ITGA9: variants seen among roughly 807,000 people sequenced by gnomAD.
The protein encoded by ITGA9 is integrin subunit alpha 9, also known as integrin alpha-9.
ITGA9 carries 56 observed loss-of-function variants against 127.8 expected under a neutral mutation model. That is an observed-to-expected ratio of 0.44 (90% confidence interval 0.35 to 0.55). The LOEUF is 0.55. Ranked by LOEUF, ITGA9 falls within the 20% of genes least tolerant of loss-of-function variation. ITGA9 has a pLI of 0.00. For missense variants in ITGA9, 1,196 were observed against 1,347.1 expected (o/e 0.89, Z 1.76); for synonymous variants, 508 against 514.5 (o/e 0.99, Z 0.17).
At chr3:37,496,264 C>G (rs1698726903) in intron 5 of ITGA9, among the ~76,000 whole-genome samples, 1 of 152,154 alleles carries the variant, frequency 6.6e-6, no homozygotes, top group African/African-American at 2.4e-5. Context: ...CCCTCCAACC[C>G]CCATTCCGCA....
intron 23 of ITGA9, among the ~76,000 whole-genome samples, chr3:37,751,486 A>G (rs912553348): frequency 6.6e-6 from 1 of 152,178 alleles, no homozygotes; most frequent in African/African-American, 2.4e-5. Flanking sequence ...GTGAACATCT[A>G]CAGTGTTGCA....
intron 8 of ITGA9, 60 bp downstream of exon 8, chr3:37,508,687 A>G: frequency 7.0e-7 from 1 of 1,423,880 alleles, no homozygotes; most frequent in Non-Finnish European, 9.9e-7. Context: ...TGTGGGAGTC[A>G]GTACTTTTTA....
chr3:37,519,115 A>C (rs1699018576), intron 10 of ITGA9, 145 bp from the exon 11 acceptor site: 1 of 566,064 alleles, frequency 1.8e-6, no homozygotes, highest in Non-Finnish European at 3.1e-6. Context: ...CCGCTGAGGG[A>C]TCTTGTCCCC....
chr3:37,638,694 C>T (rs1420531189), intron 16 of ITGA9, among the ~76,000 whole-genome samples: 1 of 152,194 alleles, frequency 6.6e-6, no homozygotes, highest in Admixed American at 6.5e-5. Context: ...TTGATCTCTT[C>T]ACTGAGCCCA....
chr3:37,811,049 G>A (rs1697363033), intron 27 of ITGA9, among the ~76,000 whole-genome samples: 1 of 152,146 alleles, frequency 6.6e-6, no homozygotes, highest in Admixed American at 6.5e-5. Context: ...CCCTGGCTCT[G>A]ACACAAAATC....
At position 37,470,105 on chromosome 3, in the gene ITGA9, C is replaced by CACTCTA. The variant is rs1196350961; in HGVS notation, c.186-901_186-896dup. Reference sequence around the variant, plus strand: ...ATTGCTGTACCATGATTTACCTGTCCACTCTAGCACTGATGGGCCTTTAGG... The same window carrying CACTCTA: ...ATTGCTGTACCATGATTTACCTGTCCACTCTAACTCTAGCACTGATGGGCCTTTAGG... On this transcript the variant is annotated intron_variant, in intron 1 of 27. Coordinates refer to ENST00000264741, the MANE Select transcript of ITGA9 (RefSeq NM_002207.3). 7.3e-5 allele frequency among the ~76,000 whole-genome samples: 11 copies of CACTCTA among 151,372 alleles called. No homozygotes were observed. In the South Asian group the frequency reaches 1.5e-3, roughly 20 times the overall value.
chr3:37,758,432 C>A (rs1263200562), intron 23 of ITGA9, among the ~76,000 whole-genome samples: 8 of 149,562 alleles, frequency 5.3e-5, no homozygotes, highest in African/African-American at 1.7e-4. Flanking sequence ...AGTTGGTTCT[C>A]CATGAGGAAA....
intron 15 of ITGA9, among the ~76,000 whole-genome samples, chr3:37,588,632 C>T (rs1699782833): frequency 6.6e-6 from 1 of 152,192 alleles, no homozygotes; most frequent in South Asian, 2.1e-4. Context: ...ACTCATTGCC[C>T]CTTGCAAAGA....
intron 3 of ITGA9, among the ~76,000 whole-genome samples, chr3:37,475,096 A>G (rs537429295): frequency 6.6e-6 from 1 of 152,254 alleles, no homozygotes; most frequent in South Asian, 2.1e-4. Flanking sequence ...CATCACTGTC[A>G]TGGCTGGCCC....
intron 25 of ITGA9, among the ~76,000 whole-genome samples, chr3:37,783,187 C>A (rs1009874223): frequency 1.3e-4 from 20 of 151,968 alleles, no homozygotes; most frequent in African/African-American, 4.8e-4. Context: ...AAGTATTCTT[C>A]TTTCAGTCTG....
intron 17 of ITGA9, among the ~76,000 whole-genome samples, chr3:37,660,072 C>G (rs1700519015): frequency 6.6e-6 from 1 of 152,004 alleles, no homozygotes; most frequent in African/African-American, 2.4e-5. Context: ...TTACTTAGGG[C>G]AATAGTGGTA....
In ITGA9 at chr3:37,741,965, T is replaced by A; in HGVS notation, c.2324+146T>A. 3 of 718,086 alleles carry A rather than the reference T, an allele frequency of 4.2e-6. No homozygotes were observed. In the East Asian group the frequency reaches 8.2e-5, roughly 20 times the overall value. The allele number at this position is 718,086 out of a possible 1,614,324, so 44.5% of individuals were successfully genotyped here. On this transcript the variant is annotated intron_variant, in intron 21 of 27. Coordinates refer to ENST00000264741, the MANE Select transcript of ITGA9 (RefSeq NM_002207.3). ...CCAGCCTTGAAAAGCAGGATGAAGC[T>A]TTAGCTGCAGTAACTCATACACTCC...
intron 11 of ITGA9, among the ~76,000 whole-genome samples, chr3:37,521,412 A>G (rs1175655831): frequency 6.6e-6 from 1 of 152,304 alleles, no homozygotes; most frequent in East Asian, 1.9e-4. Context: ...TCTCGAGTTT[A>G]CCACGGAGAG....
chr3:37,519,567 T>G lies in ITGA9; in HGVS notation c.1236+213T>G, dbSNP rs181899867. On this transcript the variant is annotated intron_variant, in intron 11 of 27. Transcript: ENST00000264741. ...TCCCAAGTTCGCTAACACTCAGGGA[T>G]GCATTTTGCCTAAAGAAGATAATTT... 2.0e-4 allele frequency among the ~76,000 whole-genome samples: 31 copies of G among 152,382 alleles called. 2 individuals carry two copies. The highest frequency in any genetic ancestry group is 2.0e-3 in the Admixed American group (30 of 15,308).
At chr3:37,453,071 G>A (rs1207338367) in intron 1 of ITGA9, among the ~76,000 whole-genome samples, 1 of 151,516 alleles carries the variant, frequency 6.6e-6, no homozygotes, top group Non-Finnish European at 1.5e-5. Context: ...CAGGGGCAGG[G>A]TGTCTGGGAT....
intron 15 of ITGA9, among the ~76,000 whole-genome samples, chr3:37,560,466 C>T (rs921174936): frequency 2.6e-5 from 4 of 152,164 alleles, no homozygotes; most frequent in African/African-American, 9.7e-5. Context: ...GGTATATACC[C>T]AGTAATGGGA....
chr3:37,542,443 T>G lies in ITGA9; in HGVS notation c.1547T>G (p.Met516Arg). The change falls in exon 15 of 28, where the codon ATG (methionine) becomes AGG (arginine). Residue 516 changes from methionine to arginine, a missense_variant. Coordinates refer to ENST00000264741, the MANE Select transcript of ITGA9 (RefSeq NM_002207.3). ...TTGGCAGGCCTGAATTATGTTCTGA[T>G]GGCTGACGTGGCCAAAAAGGAGAAG... ...PGEIGLNYVL[M>R]ADVAKKEKGQ... is the part of the protein sequence containing the mutation. 6.2e-7 allele frequency: 1 copy of G among 1,613,760 alleles called. No homozygotes were observed. The highest frequency in any genetic ancestry group is 8.5e-7 in the Non-Finnish European group (1 of 1,180,008).
At chr3:37,780,789 A>G (rs1302483969) in intron 25 of ITGA9, among the ~76,000 whole-genome samples, 1 of 152,224 alleles carries the variant, frequency 6.6e-6, no homozygotes, top group African/African-American at 2.4e-5. Flanking sequence ...CTTCCCATCA[A>G]CAGTGTATAA....
intron 17 of ITGA9, among the ~76,000 whole-genome samples, chr3:37,675,743 C>CTTTTTT (rs5848124): frequency 8.0e-6 from 1 of 124,550 alleles, no homozygotes; most frequent in East Asian, 2.3e-4. Context: ...TTAAAAACTA[C>CTTTTTT]TTTTTTTTTT....
Sources: allele counts gnomAD v4.1 joint callset (sites outside exome capture counted in the v4.1 genomes callset), GRCh38; gene constraint gnomAD v4.1.1; transcripts MANE v1.5; gene names NCBI Gene and HGNC (gene_info 2026-07-23, HGNC 2026-07-21).